LINGO1: variants seen among roughly 807,000 people sequenced by gnomAD.
LINGO1 encodes the protein leucine rich repeat and Ig domain containing 1, also known as leucine-rich repeat and immunoglobulin-like domain-containing nogo receptor-interacting protein 1.
Under a neutral mutation model 37.3 loss-of-function variants are expected in LINGO1, and 11 were observed. The ratio of observed to expected loss-of-function variants is 0.29; its 90% CI spans 0.19 to 0.49. LINGO1 has a LOEUF of 0.49. LINGO1 is among the 20% of genes least tolerant of loss of function. The pLI is 0.99. For missense variants in LINGO1, 585 were observed against 878.2 expected, an observed-to-expected ratio of 0.67 and a Z score of 4.22; for synonymous variants, 387 against 403.0, an observed-to-expected ratio of 0.96 and a Z score of 0.48.
At chr15:77,628,668 A>G (rs2074164498) in intron 1 of LINGO1, among the ~76,000 whole-genome samples, 1 of 152,214 alleles carries the variant, frequency 6.6e-6, no homozygotes, top group Admixed American at 6.5e-5. Context: ...GTTGGAGAGT[A>G]GGGTAACAGT....
intron 1 of LINGO1, among the ~76,000 whole-genome samples, chr15:77,771,622 T>C (rs190511032): frequency 1.8e-4 from 27 of 152,216 alleles, no homozygotes; most frequent in Non-Finnish European, 1.0e-4. Flanking sequence ...CCAAGTTCCG[T>C]AGATAAGTCA....
intron 1 of LINGO1, among the ~76,000 whole-genome samples, chr15:77,758,525 A>G (rs1228582673): frequency 1.3e-5 from 2 of 152,198 alleles, no homozygotes; most frequent in African/African-American, 4.8e-5. Flanking sequence ...GTTCAGAGCC[A>G]GCAGGGGCAG....
At chr15:77,801,095 G>A (rs572127824) in intron 1 of LINGO1, among the ~76,000 whole-genome samples, 30 of 152,218 alleles carry the variant, frequency 2.0e-4, no homozygotes, top group African/African-American at 7.0e-4. Context: ...CCTTTGGAAG[G>A]GTAATTTGGC....
intron 1 of LINGO1, among the ~76,000 whole-genome samples, chr15:77,742,141 G>A (rs1354715302): frequency 5.9e-5 from 9 of 152,332 alleles, no homozygotes; most frequent in South Asian, 4.1e-4. Flanking sequence ...GGGAGCTAAC[G>A]GACCTGACTG....
intron 3 of LINGO1, among the ~76,000 whole-genome samples, chr15:77,668,861 G>A (rs2075194236): frequency 6.7e-6 from 1 of 150,354 alleles, no homozygotes; most frequent in Non-Finnish European, 1.5e-5. Context: ...CCCAAACTGG[G>A]TTCTTCCTAG....
chr15:77,653,670 C>T (rs556162242), intron 3 of LINGO1, among the ~76,000 whole-genome samples: 1 of 152,258 alleles, frequency 6.6e-6, no homozygotes, highest in Non-Finnish European at 1.5e-5. Flanking sequence ...TGCCACCATG[C>T]CATGTGCCCC....
At chr15:77,647,070 G>A (rs901882157) in intron 3 of LINGO1, among the ~76,000 whole-genome samples, 2 of 151,916 alleles carry the variant, frequency 1.3e-5, no homozygotes, top group Admixed American at 1.3e-4. Context: ...CGAGTATGGA[G>A]GTGCGGGAGG....
intron 2 of LINGO1, among the ~76,000 whole-genome samples, chr15:77,686,406 T>G (rs1434590715): frequency 6.6e-6 from 1 of 152,174 alleles, no homozygotes; most frequent in Non-Finnish European, 1.5e-5. Flanking sequence ...AAGTTCACCC[T>G]CAGCAATACC....
chr15:77,621,774 G>A (rs1027876777), intron 1 of LINGO1, among the ~76,000 whole-genome samples: 10 of 152,264 alleles, frequency 6.6e-5, no homozygotes, highest in Non-Finnish European at 1.5e-4. Context: ...GCCTGCGGCT[G>A]CTGCCTGGGC....
At chr15:77,737,787 T>C (rs1240113135) in intron 1 of LINGO1, among the ~76,000 whole-genome samples, 1 of 152,128 alleles carries the variant, frequency 6.6e-6, no homozygotes, top group African/African-American at 2.4e-5. Flanking sequence ...ACTCGGCCTC[T>C]CCTGGCTGTC....
intron 2 of LINGO1, among the ~76,000 whole-genome samples, chr15:77,689,959 C>T (rs779800566): frequency 6.6e-6 from 1 of 152,234 alleles, no homozygotes; most frequent in Non-Finnish European, 1.5e-5. Context: ...GGAGTTCTCT[C>T]AGCATCGCTG....
intron 1 of LINGO1, among the ~76,000 whole-genome samples, chr15:77,778,998 C>G (rs192229611): frequency 1.2e-4 from 18 of 152,286 alleles, no homozygotes; most frequent in Admixed American, 3.3e-4. Flanking sequence ...TTCTGGCCTC[C>G]TCCTTCTCCC....
rs1037091490 is a variant in LINGO1 at position 77,613,865 on chromosome 15, TAGA to T, written c.*176_*178del. On this transcript the variant is annotated 3_prime_UTR_variant, in exon 2 of 2. Coordinates refer to ENST00000355300, the MANE Select transcript of LINGO1 (RefSeq NM_032808.7). ...CAGGTCTGGGCTTCTGAGGTCCTGG[TAGA>T]AGGAGGGCAGGTGGTGAGGGCTGGC... 82 of 618,654 alleles carry T rather than the reference TAGA, an allele frequency of 1.3e-4. No individual in the cohort carries two copies. The highest frequency in any genetic ancestry group is 8.5e-4 in the Middle Eastern group (2 of 2,348). The allele number at this position is 618,654 out of a possible 1,614,324, so 38.3% of individuals were successfully genotyped here.
At chr15:77,680,665 G>A (rs773270635) in intron 2 of LINGO1, among the ~76,000 whole-genome samples, 10 of 152,026 alleles carry the variant, frequency 6.6e-5, no homozygotes, top group Admixed American at 1.3e-4. Flanking sequence ...TGGGGCCTAC[G>A]CCTAAATTCG....
upstream of LINGO1, among the ~76,000 whole-genome samples, chr15:77,636,141 G>C (rs2141094595): frequency 6.6e-6 from 1 of 152,382 alleles, no homozygotes; most frequent in South Asian, 2.1e-4. Flanking sequence ...GCACGAGTTA[G>C]AGCTGGGCTT....
At chr15:77,706,234 C>T (rs1396301661) in intron 2 of LINGO1, among the ~76,000 whole-genome samples, 1 of 152,130 alleles carries the variant, frequency 6.6e-6, no homozygotes, top group Non-Finnish European at 1.5e-5. Context: ...AACCAGAAAC[C>T]TCGCCTCCCT....
upstream of LINGO1, among the ~76,000 whole-genome samples, chr15:77,697,153 G>C (rs1246543884): frequency 6.6e-6 from 1 of 152,190 alleles, no homozygotes; most frequent in East Asian, 1.9e-4. Flanking sequence ...CCAGGTTCCT[G>C]GTGCAGGGCT....
chr15:77,635,073 C>T (rs1291476010), upstream of LINGO1, among the ~76,000 whole-genome samples: 2 of 152,194 alleles, frequency 1.3e-5, no homozygotes, highest in Admixed American at 1.3e-4. Flanking sequence ...CAGGTGCTAC[C>T]GGAGGAAGCT....
At chr15:77,627,239 G>A (rs2074122460) in intron 1 of LINGO1, among the ~76,000 whole-genome samples, 1 of 152,032 alleles carries the variant, frequency 6.6e-6, no homozygotes, top group Non-Finnish European at 1.5e-5. Context: ...TAATTATTCC[G>A]CCAGCCCCGG....
Sources: gnomAD v4.1 joint callset for allele counts (sites outside exome capture counted in the v4.1 genomes callset) on GRCh38, gnomAD v4.1.1 for gene constraint, MANE v1.5 for transcripts, NCBI Gene and HGNC (gene_info 2026-07-23, HGNC 2026-07-21) for gene names.